The following CDH4 variants were observed in gnomAD, a reference collection of about 807,000 sequenced individuals.
CDH4 encodes cadherin-4.
CDH4 carries 33 observed loss-of-function variants against 86.0 expected under a neutral mutation model. That is an observed-to-expected ratio of 0.38 (90% CI 0.29 to 0.51). The LOEUF (loss-of-function observed/expected upper bound fraction) is 0.51. Ranked by LOEUF, CDH4 falls within the 20% of genes least tolerant of loss-of-function variation. The pLI is 0.86. For synonymous variants in CDH4, 555 were observed against 549.4 expected, an observed-to-expected ratio of 1.01 and a Z score of -0.14; for missense variants, 1,114 against 1,307.4, an observed-to-expected ratio of 0.85 and a Z score of 2.28.
At chr20:61,291,786 T>C (rs1348768956) in intron 2 of CDH4, among the ~76,000 whole-genome samples, 1 of 152,214 alleles carries the variant, frequency 6.6e-6, no homozygotes, top group Admixed American at 6.5e-5. Flanking sequence ...ATGTGAAGGT[T>C]TGTCACACAG....
intron 2 of CDH4, among the ~76,000 whole-genome samples, chr20:61,265,073 A>G (rs1251494767): frequency 4.9e-5 from 7 of 142,832 alleles, no homozygotes; most frequent in Non-Finnish European, 4.6e-5. Flanking sequence ...CCTTCATTCA[A>G]TCTTACACAT....
At chr20:61,670,480 A>C (rs1050734223) in intron 2 of CDH4, among the ~76,000 whole-genome samples, 2 of 152,186 alleles carry the variant, frequency 1.3e-5, no homozygotes, top group African/African-American at 4.8e-5. Context: ...GATGGAGCCA[A>C]GGGTGAAGTC....
At chr20:61,559,249 C>T (rs375916935) in intron 2 of CDH4, among the ~76,000 whole-genome samples, 24 of 152,206 alleles carry the variant, frequency 1.6e-4, no homozygotes, top group East Asian at 7.8e-4. Context: ...GCCTGGGAAA[C>T]GGAGGTTGCA....
intron 7 of CDH4, among the ~76,000 whole-genome samples, chr20:61,880,771 C>A (rs1438532706): frequency 6.6e-6 from 1 of 152,238 alleles, no homozygotes; most frequent in Non-Finnish European, 1.5e-5. Context: ...GCACGCTGGG[C>A]AGTGCGTGCT....
At chr20:61,739,207 T>TG (rs2088303460) in intron 2 of CDH4, 1 of 152,378 alleles carries the variant, frequency 6.6e-6, no homozygotes. Flanking sequence ...CAGTCTCCTC[T>TG]GGGGGCTGTT....
chr20:61,370,896 A>T (rs2084836431), intron 2 of CDH4: 1 of 152,194 alleles, frequency 6.6e-6, no homozygotes, highest in Non-Finnish European at 1.5e-5. Flanking sequence ...TGAGGAGCGG[A>T]ATGGTGCCGG....
intron 2 of CDH4, among the ~76,000 whole-genome samples, chr20:61,541,637 G>T (rs368576264): frequency 1.3e-5 from 2 of 152,192 alleles, no homozygotes; most frequent in East Asian, 3.9e-4. Flanking sequence ...GAAGCATCCC[G>T]GTGGAAGGCA....
At chr20:61,435,371 C>A (rs2085274956) in intron 2 of CDH4, among the ~76,000 whole-genome samples, 1 of 152,248 alleles carries the variant, frequency 6.6e-6, no homozygotes, top group Non-Finnish European at 1.5e-5. Context: ...GAAACCACAG[C>A]CCTGGGGCAT....
intron 7 of CDH4, among the ~76,000 whole-genome samples, chr20:61,892,720 A>C (rs1238445969): frequency 1.3e-5 from 2 of 152,090 alleles, no homozygotes; most frequent in Non-Finnish European, 1.5e-5. Flanking sequence ...ACCACCATTT[A>C]TTTCTATTTA....
chr20:61,881,196 G>A (rs1984258462), intron 7 of CDH4, among the ~76,000 whole-genome samples: 1 of 152,242 alleles, frequency 6.6e-6, no homozygotes, highest in Non-Finnish European at 1.5e-5. Context: ...CGCCACTGGA[G>A]GATGAGCCTG....
At chr20:61,758,339 C>G (rs984878464) in intron 3 of CDH4, among the ~76,000 whole-genome samples, 1 of 152,242 alleles carries the variant, frequency 6.6e-6, no homozygotes, top group East Asian at 1.9e-4. Flanking sequence ...AACGTAATTA[C>G]TCAGTGCTCC....
chr20:61,292,308 C>A (rs2084326751), intron 2 of CDH4, among the ~76,000 whole-genome samples: 1 of 152,200 alleles, frequency 6.6e-6, no homozygotes, highest in Non-Finnish European at 1.5e-5. Flanking sequence ...AGCCAGTTTC[C>A]TTTTCTGTAA....
intron 2 of CDH4, among the ~76,000 whole-genome samples, chr20:61,509,583 C>A (rs2085765395): frequency 6.6e-6 from 1 of 151,042 alleles, no homozygotes; most frequent in South Asian, 2.1e-4. Flanking sequence ...AGGAGGGTAC[C>A]AGGGTGGGGG....
At chr20:61,817,749 C>G (rs1442149535) in intron 4 of CDH4, among the ~76,000 whole-genome samples, 1 of 152,240 alleles carries the variant, frequency 6.6e-6, no homozygotes, top group Non-Finnish European at 1.5e-5. Flanking sequence ...AAGGTCCGTT[C>G]CCACCAGCAG....
At chr20:61,622,616 C>G (rs904468267) in intron 2 of CDH4, among the ~76,000 whole-genome samples, 2 of 152,380 alleles carry the variant, frequency 1.3e-5, no homozygotes, top group Non-Finnish European at 2.9e-5. Flanking sequence ...TCACCTAAAA[C>G]TCTGCAAACA....
At chr20:61,673,479 A>C (rs574578257) in intron 2 of CDH4, among the ~76,000 whole-genome samples, 16 of 152,362 alleles carry the variant, frequency 1.1e-4, no homozygotes, top group African/African-American at 3.8e-4. Context: ...CTAGCAAGCA[A>C]GGAGGCAGTT....
At chr20:61,565,762 GAAGCCTCCTTCC>G in intron 2 of CDH4, among the ~76,000 whole-genome samples, 1 of 152,218 alleles carries the variant, frequency 6.6e-6, no homozygotes, top group East Asian at 1.9e-4. Flanking sequence ...TGGCAGAGGA[GAAGCCTCCTTCC>G]ACGTAGGGAA....
At chr20:61,756,350 G>GC (rs2088564688) in intron 3 of CDH4, among the ~76,000 whole-genome samples, 1 of 152,170 alleles carries the variant, frequency 6.6e-6, no homozygotes, top group African/African-American at 2.4e-5. Flanking sequence ...TGGAGGTGGG[G>GC]CCCACAGGCA....
At chr20:61,308,970 G>A (rs1020139475) in intron 2 of CDH4, among the ~76,000 whole-genome samples, 2 of 152,256 alleles carry the variant, frequency 1.3e-5, no homozygotes, top group African/African-American at 4.8e-5. Context: ...GAGGTGCTCT[G>A]AGGCCTCCCA....
Sources: allele counts gnomAD v4.1 joint callset (sites outside exome capture counted in the v4.1 genomes callset), GRCh38; gene constraint gnomAD v4.1.1; transcripts MANE v1.5; gene names NCBI Gene and HGNC (gene_info 2026-07-23, HGNC 2026-07-21).